The following PCDH15 variants were observed in gnomAD, a reference collection of about 807,000 sequenced individuals.
The protein encoded by PCDH15 is protocadherin-15.
A neutral mutation model predicts 178.5 loss-of-function variants in PCDH15; 129 were observed. The ratio of observed to expected loss-of-function variants is 0.72; its 90% CI spans 0.63 to 0.84. The LOEUF is 0.84. PCDH15 is among the 40% of genes least tolerant of loss of function. The pLI, the probability that PCDH15 is intolerant of heterozygous loss-of-function variation, is 0.00. For missense variants in PCDH15, 2,230 were observed against 2,099.9 expected (o/e 1.06, Z -1.21); for synonymous variants, 800 against 732.0 (o/e 1.09, Z -1.50).
At chr10:54,979,955 T>C (rs1190735787) in intron 2 of PCDH15, among the ~76,000 whole-genome samples, 1 of 152,218 alleles carries the variant, frequency 6.6e-6, no homozygotes, top group Non-Finnish European at 1.5e-5. Context: ...GAAATGTAGA[T>C]AAATGTGTCT....
intron 3 of PCDH15, among the ~76,000 whole-genome samples, chr10:54,427,269 GTTTTTTT>G (rs71007854): frequency 3.5e-5 from 2 of 56,760 alleles, no homozygotes; most frequent in African/African-American, 1.7e-4. Context: ...TCTTTTTCTG[GTTTTTTT>G]TTTTTTTTTT....
At chr10:53,984,148 C>CTT (rs66540462) in intron 21 of PCDH15, among the ~76,000 whole-genome samples, 3,842 of 63,410 alleles carry the variant, frequency 0.061, 375 homozygotes, top group African/African-American at 0.15. Flanking sequence ...TTTTTCTTTT[C>CTT]TTTTTTTTTT....
At position 55,342,695 on chromosome 10, in the gene PCDH15, C is replaced by A. The variant is rs559954867; in HGVS notation, c.-155-176044G>T. Among the ~76,000 whole-genome samples, 32 of 152,250 alleles carry A rather than the reference C, an allele frequency of 2.1e-4. 3 individuals carry two copies. In the South Asian group the frequency reaches 6.6e-3, roughly 32 times the overall value. ...AATTAGAAGCAGCCTCTCTCCTGGT[C>A]TTAAAATATGATGGACTCCTTAACA... On this transcript the variant is annotated intron_variant, in intron 2 of 5. Transcript: ENST00000613346.
intron 2 of PCDH15, among the ~76,000 whole-genome samples, chr10:55,382,582 C>A (rs1262199893): frequency 6.6e-6 from 1 of 152,160 alleles, no homozygotes; most frequent in African/African-American, 2.4e-5. Flanking sequence ...TGATTTTAAC[C>A]CAGTGAGACA....
At chr10:53,968,047 G>A (rs1430849249) in intron 21 of PCDH15, among the ~76,000 whole-genome samples, 3 of 152,160 alleles carry the variant, frequency 2.0e-5, no homozygotes, top group South Asian at 4.1e-4. Context: ...ATGGAGCAGG[G>A]TGGGGCATTG....
chr10:53,960,641 A>G (rs2134285823), intron 22 of PCDH15, among the ~76,000 whole-genome samples: 1 of 152,290 alleles, frequency 6.6e-6, no homozygotes. Context: ...ATTGTTTTGG[A>G]AGCTGCAGGT....
chr10:55,243,154 A>G lies in PCDH15; in HGVS notation c.-156+76445T>C, dbSNP rs1016239201. Among the ~76,000 whole-genome samples, 9 of 152,314 alleles carry G rather than the reference A, an allele frequency of 5.9e-5. No individual in the cohort carries two copies. In the East Asian group the frequency reaches 1.5e-3, roughly 26 times the overall value. On this transcript the variant is annotated intron_variant, in intron 1 of 5. Coordinates refer to the PCDH15 transcript ENST00000458638. The stretch of plus-strand genomic sequence containing the variant: ...CTGAAAAGGAAGTTTATTCCCCAGG[A>G]TAGTCTATCAGTTAGCAGCTATGCT...
At chr10:54,186,279 C>T (rs112492996) in intron 11 of PCDH15, among the ~76,000 whole-genome samples, 3 of 152,030 alleles carry the variant, frequency 2.0e-5, no homozygotes, top group African/African-American at 7.2e-5. Context: ...TATCATAAAA[C>T]ACTTCTTTAA....
In PCDH15 at chr10:54,431,888, G is replaced by C. The variant is rs185491429; in HGVS notation, c.158-52946C>G. On this transcript the variant is annotated intron_variant, in intron 3 of 37. Coordinates refer to ENST00000644397, the MANE Select transcript of PCDH15 (RefSeq NM_001384140.1). ...ACTCTATCAAAAATCTATTAGAACTGATAAACAAATTCAGGAAAGTTGCAG... is the reference window on the plus strand; with the variant it reads ...ACTCTATCAAAAATCTATTAGAACTCATAAACAAATTCAGGAAAGTTGCAG... 2.6e-5 allele frequency among the ~76,000 whole-genome samples: 4 copies of C among 151,954 alleles called. No homozygotes were observed. In the East Asian group the frequency reaches 7.7e-4, roughly 29 times the overall value.
intron 1 of PCDH15, among the ~76,000 whole-genome samples, chr10:55,264,521 G>T (rs1248974984): frequency 6.6e-6 from 1 of 152,164 alleles, no homozygotes; most frequent in African/African-American, 2.4e-5. Flanking sequence ...AGGCCTCAGG[G>T]ATGCCAGGTG....
chr10:54,040,059 C>T (rs1429264768), intron 18 of PCDH15, among the ~76,000 whole-genome samples: 1 of 152,002 alleles, frequency 6.6e-6, no homozygotes, highest in African/African-American at 2.4e-5. Flanking sequence ...TCATGCAAAT[C>T]ATGCACTATA....
At chr10:55,425,833 T>A (rs1046492218) in intron 2 of PCDH15, among the ~76,000 whole-genome samples, 1 of 152,216 alleles carries the variant, frequency 6.6e-6, no homozygotes. Context: ...TATTTTGTTA[T>A]GACAAATGTC....
intron 2 of PCDH15, among the ~76,000 whole-genome samples, chr10:55,147,065 A>G (rs926917239): frequency 1.3e-5 from 2 of 151,752 alleles, no homozygotes; most frequent in Non-Finnish European, 2.9e-5. Context: ...TTTATTTATT[A>G]GCAGTTGTTA....
At chr10:55,382,040 C>A (rs950863452) in intron 2 of PCDH15, among the ~76,000 whole-genome samples, 2 of 152,158 alleles carry the variant, frequency 1.3e-5, no homozygotes, top group African/African-American at 4.8e-5. Context: ...TATAAGTCAT[C>A]CTACCCTCAG....
At chr10:53,983,943 G>A (rs991096231) in intron 21 of PCDH15, among the ~76,000 whole-genome samples, 1 of 151,598 alleles carries the variant, frequency 6.6e-6, no homozygotes, top group Non-Finnish European at 1.5e-5. Context: ...CTTGGTTTTT[G>A]AAACTTACTG....
chr10:53,886,142 T>C (rs1268565445), intron 26 of PCDH15, among the ~76,000 whole-genome samples: 1 of 152,178 alleles, frequency 6.6e-6, no homozygotes, highest in East Asian at 1.9e-4. Flanking sequence ...GAGAGATCTA[T>C]TGAGAGAATG....
intron 2 of PCDH15, among the ~76,000 whole-genome samples, chr10:54,536,895 C>T (rs906499510): frequency 1.3e-5 from 2 of 151,820 alleles, no homozygotes; most frequent in African/African-American, 4.8e-5. Flanking sequence ...ATCCAATTCA[C>T]TGTTGACGGG....
chr10:54,023,118 G>C lies in PCDH15; in HGVS notation c.2300C>G (p.Ser767Cys). The C allele has an allele frequency of 6.2e-7, 1 of 1,613,868 alleles. No individual in the cohort carries two copies. Among genetic ancestry groups the C allele is most frequent in the East Asian group, 2.2e-5 (1 of 44,864 alleles). ...CACTGCTGTGTAAATGCTCCCATTG[G>C]ATGTGATACGAAAAAGATTATTAAA... is the stretch of plus-strand genomic sequence containing the variant. ...GNFNNLFRIT[S>C]NGSIYTAVKL... Residue 767 changes from serine to cysteine, a missense_variant, in exon 19 of 38, where the codon TCC becomes TGC. By Grantham distance (112) the Ser-to-Cys change is moderately radical. Transcript: ENST00000644397.
At chr10:53,854,385 T>C (rs772040081) in intron 28 of PCDH15, among the ~76,000 whole-genome samples, 18 of 152,026 alleles carry the variant, frequency 1.2e-4, no homozygotes, top group Non-Finnish European at 2.4e-4. Flanking sequence ...CACTTAAAAA[T>C]GTTTAAGATG....
Sources: gnomAD v4.1 joint callset for allele counts (sites outside exome capture counted in the v4.1 genomes callset) on GRCh38, gnomAD v4.1.1 for gene constraint, MANE v1.5 for transcripts, NCBI Gene and HGNC (gene_info 2026-07-23, HGNC 2026-07-21) for gene names.